CNBD1: variants seen among roughly 807,000 people sequenced by gnomAD.
CNBD1 encodes the protein cyclic nucleotide binding domain containing 1.
In CNBD1, 71 loss-of-function variants were observed where a neutral mutation model predicts 54.4. The ratio of observed to expected loss-of-function variants is 1.30; its 90% CI spans 1.08 to 1.59. The LOEUF is 1.59. Ranked by LOEUF, CNBD1 falls within the 40% of genes most tolerant of loss-of-function variation. The pLI is 0.00. For synonymous variants in CNBD1, 182 were observed against 170.7 expected, an observed-to-expected ratio of 1.07 and a Z score of -0.51; for missense variants, 659 against 518.0, an observed-to-expected ratio of 1.27 and a Z score of -2.64.
rs185321648 is a variant in CNBD1 at position 87,086,913 on chromosome 8, C to A, written c.432-119080C>A. 1.1e-4 allele frequency among the ~76,000 whole-genome samples: 17 copies of A among 152,086 alleles called. No homozygotes were observed. The East Asian group carries it at 1.7e-3, about 16-fold the overall frequency. On this transcript the variant is annotated intron_variant, in intron 4 of 10. Transcript: ENST00000518476. ...GTAACAGAAAATCCAACTTAAACTACCTTAAATAGAAAAGTGAATGTGCTT... is the reference window on the plus strand; with the variant it reads ...GTAACAGAAAATCCAACTTAAACTAACTTAAATAGAAAAGTGAATGTGCTT...
At chr8:87,176,660 T>G (rs542636695) in intron 4 of CNBD1, among the ~76,000 whole-genome samples, 1 of 151,302 alleles carries the variant, frequency 6.6e-6, no homozygotes, top group Non-Finnish European at 1.5e-5. Context: ...AAATTTTTTT[T>G]TTTTTTTTTC....
chr8:86,961,937 C>A (rs1177119616), intron 4 of CNBD1, among the ~76,000 whole-genome samples: 1 of 150,900 alleles, frequency 6.6e-6, no homozygotes, highest in Non-Finnish European at 1.5e-5. Flanking sequence ...ATGTGCCAAT[C>A]TCCTATTTGC....
rs536770570 is a variant in CNBD1, at chr8:87,391,622, G to A, written c.214-36924G>A. Among the ~76,000 whole-genome samples the A allele has an allele frequency of 9.9e-5, 15 of 152,172 alleles. No individual in the cohort carries two copies. The East Asian group carries it at 2.3e-3, about 24-fold the overall frequency. ...AAGAATAATCTTTTCAACAAATCATGCTGGGATAATGGGATAATAGAAGAC... is the reference window on the plus strand; with the variant it reads ...AAGAATAATCTTTTCAACAAATCATACTGGGATAATGGGATAATAGAAGAC... On this transcript the variant is annotated intron_variant, in intron 2 of 7. Transcript: ENST00000521593.
chr8:86,998,456 A>G (rs980048199), intron 4 of CNBD1, among the ~76,000 whole-genome samples: 14 of 152,164 alleles, frequency 9.2e-5, no homozygotes, highest in Non-Finnish European at 1.8e-4. Flanking sequence ...GATCTTGAAA[A>G]GGACACTTGT....
intron 10 of CNBD1, among the ~76,000 whole-genome samples, chr8:87,379,732 A>C (rs1397122093): frequency 6.6e-6 from 1 of 151,974 alleles, no homozygotes; most frequent in African/African-American, 2.4e-5. Flanking sequence ...CGTTTATAAT[A>C]TTTGTAAAAT....
intron 5 of CNBD1, among the ~76,000 whole-genome samples, chr8:87,216,752 C>T (rs1037668490): frequency 3.9e-5 from 6 of 152,084 alleles, no homozygotes; most frequent in Non-Finnish European, 8.8e-5. Context: ...TTTGTTTTAC[C>T]CTTTTCCATG....
At chr8:87,396,969 A>G (rs1004229575) in intron 2 of CNBD1, among the ~76,000 whole-genome samples, 6 of 150,626 alleles carry the variant, frequency 4.0e-5, no homozygotes, top group Non-Finnish European at 4.4e-5. Flanking sequence ...CCCTCCTTCA[A>G]TGAATCACGT....
At chr8:87,152,122 T>C (rs2130749704) in intron 4 of CNBD1, among the ~76,000 whole-genome samples, 1 of 152,100 alleles carries the variant, frequency 6.6e-6, no homozygotes, top group South Asian at 2.1e-4. Context: ...AGACTGGCAT[T>C]ATAATATTTA....
intron 3 of CNBD1, among the ~76,000 whole-genome samples, chr8:86,905,712 G>A (rs192114410): frequency 2.0e-5 from 3 of 152,234 alleles, no homozygotes; most frequent in Admixed American, 2.0e-4. Flanking sequence ...AGGGTGTTGC[G>A]GAAGGTGTAA....
chr8:87,315,419 A>G (rs980348607), intron 8 of CNBD1, among the ~76,000 whole-genome samples: 4 of 151,936 alleles, frequency 2.6e-5, no homozygotes, highest in African/African-American at 4.8e-5. Context: ...TGCAGGCCAT[A>G]CAAGAAGCAT....
chr8:87,356,309 A>G (rs1180635025), intron 10 of CNBD1, among the ~76,000 whole-genome samples: 1 of 152,222 alleles, frequency 6.6e-6, no homozygotes, highest in African/African-American at 2.4e-5. Context: ...AGATGAAGGA[A>G]AGTTTGAAAC....
intron 4 of CNBD1, among the ~76,000 whole-genome samples, chr8:86,941,599 G>A (rs1382036823): frequency 6.6e-6 from 1 of 152,114 alleles, no homozygotes; most frequent in Non-Finnish European, 1.5e-5. Context: ...CAGTAACAGG[G>A]ACTTCCAAGC....
intron 3 of CNBD1, among the ~76,000 whole-genome samples, chr8:86,928,653 C>G (rs1298389146): frequency 6.6e-6 from 1 of 152,186 alleles, no homozygotes; most frequent in Non-Finnish European, 1.5e-5. Flanking sequence ...TTGAAATCCC[C>G]TTGACTTAGG....
At chr8:87,149,247 T>A (rs572630110) in intron 4 of CNBD1, among the ~76,000 whole-genome samples, 1 of 152,202 alleles carries the variant, frequency 6.6e-6, no homozygotes, top group Non-Finnish European at 1.5e-5. Flanking sequence ...AAAAAAAGAA[T>A]ACCTGGGTGG....
chr8:86,951,816 C>T (rs1807633211), intron 4 of CNBD1, among the ~76,000 whole-genome samples: 1 of 151,724 alleles, frequency 6.6e-6, no homozygotes, highest in Non-Finnish European at 1.5e-5. Flanking sequence ...AAAAAAAAAT[C>T]TTGGGATTCC....
At chr8:86,867,042 C>A (rs1563804264) in intron 1 of CNBD1, among the ~76,000 whole-genome samples, 1 of 152,220 alleles carries the variant, frequency 6.6e-6, no homozygotes, top group South Asian at 2.1e-4. Flanking sequence ...TCCTACTATT[C>A]TGACTGTGAA....
chr8:86,966,076 G>C (rs1283818736), intron 4 of CNBD1, among the ~76,000 whole-genome samples: 2 of 152,172 alleles, frequency 1.3e-5, no homozygotes, highest in African/African-American at 4.8e-5. Context: ...CCTGCTGATT[G>C]GTCCATGGTT....
intron 2 of CNBD1, among the ~76,000 whole-genome samples, chr8:87,420,383 G>C (rs560344929): frequency 2.7e-4 from 41 of 152,082 alleles, no homozygotes; most frequent in African/African-American, 8.9e-4. Context: ...AAGGTACAAA[G>C]AAAAGGAAAC....
At chr8:87,404,845 T>TC in intron 2 of CNBD1, among the ~76,000 whole-genome samples, 1 of 151,662 alleles carries the variant, frequency 6.6e-6, no homozygotes, top group East Asian at 1.9e-4. Context: ...AACAATGTTT[T>TC]GCAAAACTTT....
Sources: gnomAD v4.1 joint callset for allele counts (sites outside exome capture counted in the v4.1 genomes callset) on GRCh38, gnomAD v4.1.1 for gene constraint, MANE v1.5 for transcripts, NCBI Gene and HGNC (gene_info 2026-07-23, HGNC 2026-07-21) for gene names.